The following CYFIP1 variants were observed in gnomAD, a reference collection of about 807,000 sequenced individuals.
CYFIP1 encodes the protein cytoplasmic FMR1-interacting protein 1.
CYFIP1 carries 58 observed loss-of-function variants against 163.5 expected under a neutral mutation model. The observed-to-expected ratio is 0.35, with a 90% CI of 0.29 to 0.44. CYFIP1 has a LOEUF of 0.44. Among genes scored for constraint, CYFIP1 ranks in the 20% least tolerant of loss-of-function variants. The pLI is 1.00. For missense variants in CYFIP1, 1,338 were observed against 1,653.8 expected, an observed-to-expected ratio of 0.81 and a Z score of 3.31; for synonymous variants, 663 against 660.7, an observed-to-expected ratio of 1.00 and a Z score of -0.05.
chr15:22,898,243 ATAATT>A (rs1047305292), intron 22 of CYFIP1, among the ~76,000 whole-genome samples: 11 of 152,048 alleles, frequency 7.2e-5, no homozygotes, highest in Admixed American at 5.9e-4. Context: ...ATCATTCCAA[ATAATT>A]TAATTTAATT....
intron 1 of CYFIP1, among the ~76,000 whole-genome samples, chr15:22,950,019 A>G (rs1005590951): frequency 1.3e-5 from 2 of 152,168 alleles, no homozygotes; most frequent in African/African-American, 4.8e-5. Context: ...AGCAAAATAG[A>G]TAACATATAA....
chr15:22,918,891 C>T (rs1489593796), intron 13 of CYFIP1, 33 bp from the exon 14 acceptor site: 3 of 1,542,338 alleles, frequency 1.9e-6, no homozygotes, highest in Admixed American at 3.8e-5. Context: ...GACGGCCCTT[C>T]TTAGGGATGG....
At chr15:22,884,928 T>C (rs1428620038) in intron 23 of CYFIP1, among the ~76,000 whole-genome samples, 1 of 123,332 alleles carries the variant, frequency 8.1e-6, no homozygotes. Flanking sequence ...GAAGCAGGGA[T>C]GCAGGGCACC....
rs1248925003 is a variant in CYFIP1, at chr15:22,910,606, G to C, written c.2182C>G (p.Arg728Gly). 2.5e-6 allele frequency: 4 copies of C among 1,614,122 alleles called. No homozygotes were observed. The highest frequency in any genetic ancestry group is 3.4e-6 in the Non-Finnish European group (4 of 1,179,970). Residue 728 changes from arginine (R) to glycine (G), a missense_variant, in exon 20 of 31, where the codon CGA (arginine) becomes GGA (glycine). Arg to Gly is a moderately radical substitution (Grantham distance 125). This residue lies in a region of CYFIP1 where 824 missense variants were observed against 995.7 expected (regional missense o/e 0.83). Coordinates refer to ENST00000617928, the MANE Select transcript of CYFIP1 (RefSeq NM_014608.6). ...AGSLLLDKRL[R>G]SECKNQGATI... ...GCTCCCTGATTCTTGCATTCTGATCGTAACCGTTTATCAAGAAGCAAACTA... is the reference window on the plus strand; with the variant it reads ...GCTCCCTGATTCTTGCATTCTGATCCTAACCGTTTATCAAGAAGCAAACTA...
chr15:22,930,220 A>T (rs28667366), intron 11 of CYFIP1, among the ~76,000 whole-genome samples: 1 of 150,246 alleles, frequency 6.7e-6, no homozygotes, highest in Non-Finnish European at 1.5e-5. Context: ...ACAAAAAAAA[A>T]CACAAAAAAA....
chr15:22,949,228 C>T (rs552786417), intron 1 of CYFIP1, among the ~76,000 whole-genome samples: 72 of 151,532 alleles, frequency 4.8e-4, no homozygotes, highest in African/African-American at 1.6e-3. Flanking sequence ...GGATTCCCCC[C>T]GGGGACCAGG....
chr15:22,913,552 G>A (rs375616220), intron 17 of CYFIP1, among the ~76,000 whole-genome samples: 2,593 of 32,866 alleles, frequency 0.079, 5 homozygotes, highest in African/African-American at 0.11. Flanking sequence ...AAAAAAAAAA[G>A]AAAGAAAGAA....
intron 1 of CYFIP1, among the ~76,000 whole-genome samples, chr15:22,966,640 G>A (rs769673754): frequency 1.3e-4 from 20 of 151,978 alleles, no homozygotes; most frequent in Non-Finnish European, 2.5e-4. Flanking sequence ...TGTTCCTGCC[G>A]GGGATGAAGA....
chr15:22,876,988 C>T (rs1389530189), intron 26 of CYFIP1, among the ~76,000 whole-genome samples: 2 of 152,166 alleles, frequency 1.3e-5, no homozygotes, highest in Admixed American at 6.5e-5. Flanking sequence ...GCTCGGGTCT[C>T]ACCTCCCTGA....
At position 22,916,501 on chromosome 15, in the gene CYFIP1, A is replaced by G. The variant is rs775885434; in HGVS notation, c.1804T>C (p.Tyr602His). ...IEKFHRESFF[Y>H]THLINFSETL... ...CCACTGAAATTTATCAAGTGAGTGT[A>G]GAAGAATGACTCTCGATGAAATTTT... is the stretch of plus-strand genomic sequence containing the variant. The change falls in exon 16 of 31, where the codon TAC becomes CAC. Residue 602 changes from tyrosine (Y) to histidine (H), a missense_variant. Around this residue, in one of 4 missense-constraint regions of CYFIP1, gnomAD observed 824 missense variants for 995.7 expected, o/e 0.83. Transcript: ENST00000617928. 10 of 1,612,596 alleles carry G rather than the reference A, an allele frequency of 6.2e-6. No homozygotes were observed. Among genetic ancestry groups the G allele is most frequent in the African/African-American group, 4.0e-5 (3 of 74,852 alleles).
intron 22 of CYFIP1, among the ~76,000 whole-genome samples, chr15:22,897,123 G>C (rs899667599): frequency 6.6e-6 from 1 of 152,026 alleles, no homozygotes; most frequent in Non-Finnish European, 1.5e-5. Context: ...TGAGGCAGGA[G>C]AATCACTTGA....
At chr15:22,924,192 G>A (rs2061286938) in intron 13 of CYFIP1, among the ~76,000 whole-genome samples, 1 of 152,126 alleles carries the variant, frequency 6.6e-6, no homozygotes, top group South Asian at 2.1e-4. Context: ...GGAAGCCCAA[G>A]GCAGGCGGAT....
In CYFIP1 at chr15:22,944,977, G is replaced by A. The variant is rs370797667; in HGVS notation, c.208-38C>T. ...ACAGGGCAAATCAAAGGCAGGCGGG[G>A]GAACTAGCATGAAAAGCAGATGCCA... On this transcript the variant is annotated intron_variant, in intron 3 of 30. Transcript: ENST00000617928. 8.5e-5 allele frequency: 134 copies of A among 1,579,650 alleles called. No individual in the cohort carries two copies. The African/African-American group carries it at 1.5e-3, about 18-fold the overall frequency.
chr15:22,941,912 G>A (rs1321152566), intron 6 of CYFIP1, among the ~76,000 whole-genome samples: 3 of 152,168 alleles, frequency 2.0e-5, no homozygotes, highest in African/African-American at 7.2e-5. Flanking sequence ...GGCTGAGAAG[G>A]CTGCTTAAAA....
chr15:22,872,604 A>T, intron 30 of CYFIP1: 1 of 519,996 alleles, frequency 1.9e-6, no homozygotes, highest in Non-Finnish European at 3.4e-6. Flanking sequence ...AGTAAATCTA[A>T]GTACCTTGAG....
At chr15:22,912,414 C>G in intron 17 of CYFIP1, 139 bp from the exon 18 acceptor site, 1 of 601,844 alleles carries the variant, frequency 1.7e-6, no homozygotes, top group Non-Finnish European at 2.8e-6. Flanking sequence ...AAACACCAGT[C>G]CTCCTGTGAA....
intron 1 of CYFIP1, among the ~76,000 whole-genome samples, chr15:22,950,203 C>T (rs2140133626): frequency 6.6e-6 from 1 of 152,226 alleles, no homozygotes; most frequent in African/African-American, 2.4e-5. Context: ...AAGAGGTTGT[C>T]AGAACAGATA....
chr15:22,969,383 A>C (rs541396262), intron 1 of CYFIP1, among the ~76,000 whole-genome samples: 5 of 152,330 alleles, frequency 3.3e-5, no homozygotes, highest in Admixed American at 6.5e-5. Flanking sequence ...ACAAATGCCC[A>C]GTGAGCTTGT....
intron 9 of CYFIP1, among the ~76,000 whole-genome samples, chr15:22,935,484 A>G (rs2061683882): frequency 6.6e-6 from 1 of 152,210 alleles, no homozygotes; most frequent in Admixed American, 6.5e-5. Flanking sequence ...CTAACACAGC[A>G]GAAACGTCTC....
Sources: gnomAD v4.1 joint callset for allele counts (sites outside exome capture counted in the v4.1 genomes callset) on GRCh38, gnomAD v4.1.1 for gene constraint, gnomAD v4.1.1 regional missense constraint, MANE v1.5 for transcripts, NCBI Gene and HGNC (gene_info 2026-07-23, HGNC 2026-07-21) for gene names.